TRDN: variants seen among roughly 807,000 people sequenced by gnomAD.
TRDN encodes triadin in skeletal muscle.
Under a neutral mutation model 149.7 loss-of-function variants are expected in TRDN, and 161 were observed. The observed-to-expected ratio is 1.08, with a 90% confidence interval of 0.95 to 1.23. The LOEUF (loss-of-function observed/expected upper bound fraction) is 1.23, where lower values mean the gene tolerates loss of function less well. Ranked by LOEUF, TRDN falls within the 50% of genes most tolerant of loss-of-function variation. The pLI, the probability that TRDN is intolerant of heterozygous loss-of-function variation, is 0.00. For synonymous variants in TRDN, 294 were observed against 250.5 expected (o/e 1.17, Z -1.64); for missense variants, 896 against 823.5 (o/e 1.09, Z -1.08).
intron 7 of TRDN, among the ~76,000 whole-genome samples, chr6:123,510,611 A>G (rs1779126340): frequency 6.6e-6 from 1 of 151,596 alleles, no homozygotes; most frequent in African/African-American, 2.4e-5. Flanking sequence ...CTTTTAAAGT[A>G]AAAATATTGA....
At chr6:123,512,277 A>G (rs2114858895) in intron 7 of TRDN, 26 bp downstream of exon 7, 1 of 1,289,258 alleles carries the variant, frequency 7.8e-7, no homozygotes, top group Non-Finnish European at 1.1e-6. Flanking sequence ...GAATTTAGTT[A>G]TGGAAATAAT....
intron 9 of TRDN, among the ~76,000 whole-genome samples, chr6:123,488,411 C>T (rs1359398408): frequency 6.6e-6 from 1 of 152,124 alleles, no homozygotes; most frequent in African/African-American, 2.4e-5. Context: ...TCAAAGTCTC[C>T]CACTTCTCCC....
intron 2 of TRDN, among the ~76,000 whole-genome samples, chr6:123,554,292 G>A (rs1469907700): frequency 6.6e-6 from 1 of 152,062 alleles, no homozygotes; most frequent in African/African-American, 2.4e-5. Context: ...GCTTGGCTAA[G>A]CAAAGCAGAG....
chr6:123,442,515 C>T (rs1774972261), intron 10 of TRDN, among the ~76,000 whole-genome samples: 1 of 107,640 alleles, frequency 9.3e-6, no homozygotes, highest in South Asian at 2.5e-4. Context: ...CACTGCACTC[C>T]CGCCTGGGCC....
intron 21 of TRDN, among the ~76,000 whole-genome samples, chr6:123,339,150 A>T (rs1427267731): frequency 6.6e-6 from 1 of 151,730 alleles, no homozygotes; most frequent in East Asian, 1.9e-4. Context: ...GATTACAGGC[A>T]CCCACCAGCA....
chr6:123,266,417 G>T (rs62647882), intron 32 of TRDN, among the ~76,000 whole-genome samples: 59,859 of 66,880 alleles, frequency 0.9, 27,241 homozygotes, highest in East Asian at 0.99. Flanking sequence ...ATAATATATA[G>T]ATTATGATAT....
intron 20 of TRDN, among the ~76,000 whole-genome samples, chr6:123,363,013 T>C (rs1780958666): frequency 6.6e-6 from 1 of 152,116 alleles, no homozygotes; most frequent in Admixed American, 6.5e-5. Flanking sequence ...AGGCTTAAGA[T>C]AAGACAATTT....
At chr6:123,420,468 G>A (rs1773852110) in intron 12 of TRDN, among the ~76,000 whole-genome samples, 2 of 152,116 alleles carry the variant, frequency 1.3e-5, no homozygotes, top group Admixed American at 6.6e-5. Context: ...GTGAAGGTCA[G>A]AGGATTAATA....
rs1313972108 is a variant in TRDN at position 123,518,131 on chromosome 6, G to A, written c.485-1925C>T. The stretch of plus-strand genomic sequence containing the variant: ...TTGCTTCCAATTATGTGAAACTTTT[G>A]ACAATTTATTGAAATTTCTCAAATA... On this transcript the variant is annotated intron_variant, in intron 5 of 40. Coordinates refer to ENST00000334268, the MANE Select transcript of TRDN (RefSeq NM_006073.4). Among the ~76,000 whole-genome samples, 7 of 152,140 alleles carry A rather than the reference G, an allele frequency of 4.6e-5. No homozygotes were observed. In the East Asian group the frequency reaches 1.4e-3, roughly 29 times the overall value.
chr6:123,417,568 TGAGAA>T (rs1252125368), intron 12 of TRDN, among the ~76,000 whole-genome samples: 11 of 152,170 alleles, frequency 7.2e-5, no homozygotes, highest in Non-Finnish European at 1.5e-4. Flanking sequence ...GGTCAGCCAA[TGAGAA>T]GAGAAAAGAG....
intron 38 of TRDN, among the ~76,000 whole-genome samples, chr6:123,234,781 C>T (rs1190212802): frequency 6.6e-6 from 1 of 152,096 alleles, no homozygotes; most frequent in East Asian, 1.9e-4. Flanking sequence ...ATAGAATTGA[C>T]CCTTCTGTCC....
intron 24 of TRDN, among the ~76,000 whole-genome samples, chr6:123,293,957 C>T (rs1051698033): frequency 6.6e-6 from 1 of 152,090 alleles, no homozygotes; most frequent in African/African-American, 2.4e-5. Flanking sequence ...GGACTAGCAG[C>T]ACCTTGGGGA....
intron 1 of TRDN, among the ~76,000 whole-genome samples, chr6:123,601,988 A>T (rs1247837067): frequency 6.6e-6 from 1 of 152,108 alleles, no homozygotes. Context: ...GCTAGACTTT[A>T]TCAATTCTAT....
intron 1 of TRDN, among the ~76,000 whole-genome samples, chr6:123,597,037 C>T (rs147965258): frequency 1.2e-3 from 177 of 152,050 alleles, no homozygotes; most frequent in East Asian, 9.7e-4. Flanking sequence ...CTATAGCTAG[C>T]GACTCTTTTC....
At chr6:123,635,899 C>CAT (rs1276638865) in intron 1 of TRDN, among the ~76,000 whole-genome samples, 3 of 151,586 alleles carry the variant, frequency 2.0e-5, no homozygotes, top group South Asian at 2.1e-4. Flanking sequence ...GAAATACGTA[C>CAT]ATATATATAT....
intron 10 of TRDN, among the ~76,000 whole-genome samples, chr6:123,452,516 G>A (rs891542000): frequency 1.3e-4 from 19 of 145,606 alleles, no homozygotes; most frequent in East Asian, 7.9e-4. Context: ...AAAAAAAAAC[G>A]TAAGATAGTT....
intron 12 of TRDN, among the ~76,000 whole-genome samples, chr6:123,398,920 A>G (rs1358491588): frequency 6.6e-6 from 1 of 152,222 alleles, no homozygotes; most frequent in East Asian, 1.9e-4. Flanking sequence ...AATGATTTAC[A>G]ATAGTTAACA....
intron 12 of TRDN, chr6:123,437,341 T>C (rs1774620521): frequency 6.1e-6 from 2 of 325,740 alleles, no homozygotes; most frequent in Admixed American, 3.8e-5. Flanking sequence ...ACTGGAAAAC[T>C]TGTCACTGTA....
At chr6:123,575,605 T>C (rs1023664172) in intron 1 of TRDN, among the ~76,000 whole-genome samples, 1 of 152,246 alleles carries the variant, frequency 6.6e-6, no homozygotes, top group South Asian at 2.1e-4. Context: ...TTTAATTCTA[T>C]TCATTTTGAT....
Sources: allele counts gnomAD v4.1 joint callset (sites outside exome capture counted in the v4.1 genomes callset), GRCh38; gene constraint gnomAD v4.1.1; transcripts MANE v1.5; gene names NCBI Gene and HGNC (gene_info 2026-07-23, HGNC 2026-07-21).